HERC2: variants seen among roughly 807,000 people sequenced by gnomAD.
HERC2 encodes HECT and RLD domain containing E3 ubiquitin protein ligase 2, also known as E3 ubiquitin-protein ligase HERC2.
In HERC2, 102 loss-of-function variants were observed where a neutral mutation model predicts 537.7. That is an observed-to-expected ratio of 0.19 (90% CI 0.16 to 0.22). The LOEUF (loss-of-function observed/expected upper bound fraction) is 0.22, where lower values mean the gene tolerates loss of function less well. Ranked by LOEUF, HERC2 falls within the 10% of genes least tolerant of loss-of-function variation. HERC2 has a pLI of 1.00. For synonymous variants in HERC2, 2,224 were observed against 2,466.2 expected (o/e 0.90, Z 2.91); for missense variants, 4,236 against 6,198.2 (o/e 0.68, Z 10.63).
Position 28,111,813 on chromosome 15 carries a change from C to T in HERC2, c.14455G>A (p.Val4819Ile), listed in dbSNP as rs1219022060. Reference protein sequence around the residue: ...DSSDDSDNEDVDSFASDSTQD... With the variant: ...DSSDDSDNEDIDSFASDSTQD... ...GTAGAGTCCGAAGCAAAGGAGTCGA[C>T]ATCCTCGTTATCTGAATCGTCGCTG... Residue 4819 changes from valine (V) to isoleucine (I), a missense_variant, in exon 93 of 93, where the codon GTC (valine) becomes ATC (isoleucine). Val to Ile is a conservative substitution (Grantham distance 29, BLOSUM62 3). Around this residue, in one of 27 missense-constraint regions of HERC2, gnomAD observed 313 missense variants for 462.6 expected, o/e 0.68. Transcript: ENST00000261609. 36 of 1,614,096 alleles carry T rather than the reference C, an allele frequency of 2.2e-5. No individual in the cohort carries two copies. Among genetic ancestry groups the T allele is most frequent in the Non-Finnish European group, 3.1e-5 (36 of 1,180,058 alleles).
chr15:28,249,355 C>T (rs956035192), intron 20 of HERC2, among the ~76,000 whole-genome samples: 1 of 152,020 alleles, frequency 6.6e-6, no homozygotes, highest in Non-Finnish European at 1.5e-5. Context: ...AGCACGGCAG[C>T]GAAGAAAGTA....
At chr15:28,283,349 A>G (rs2076075252) in intron 4 of HERC2, among the ~76,000 whole-genome samples, 1 of 152,252 alleles carries the variant, frequency 6.6e-6, no homozygotes, top group Admixed American at 6.5e-5. Flanking sequence ...TTAACAAGTC[A>G]AATGACAGCG....
chr15:28,192,910 T>C (rs1400302362), intron 52 of HERC2, among the ~76,000 whole-genome samples: 2 of 149,178 alleles, frequency 1.3e-5, no homozygotes, highest in Non-Finnish European at 3.0e-5. Flanking sequence ...GAGTGAACTA[T>C]GAAGGGTTTT....
At chr15:28,135,298 C>A (rs1255894169) in intron 79 of HERC2, among the ~76,000 whole-genome samples, 180 bp downstream of exon 79, 2 of 152,090 alleles carry the variant, frequency 1.3e-5, no homozygotes, top group Non-Finnish European at 2.9e-5. Context: ...AGGAATCATA[C>A]GGGTAAGCCT....
intron 2 of HERC2, chr15:28,312,963 A>G (rs1260722559): frequency 6.2e-6 from 1 of 161,534 alleles, no homozygotes; most frequent in African/African-American, 2.4e-5. Flanking sequence ...GTTAGTTACT[A>G]AACTGAAGCT....
chr15:28,175,959 C>T (rs1313969784), intron 63 of HERC2, among the ~76,000 whole-genome samples: 1 of 152,214 alleles, frequency 6.6e-6, no homozygotes, highest in African/African-American at 2.4e-5. Flanking sequence ...AAAGTCCTAT[C>T]TGGTATACAT....
rs1289486718 is a variant in HERC2 at position 28,163,210 on chromosome 15, C to T, written c.10630G>A (p.Asp3544Asn). 1 of 1,613,944 alleles carries T rather than the reference C, an allele frequency of 6.2e-7. No homozygotes were observed. The highest frequency in any genetic ancestry group is 8.5e-7 in the Non-Finnish European group (1 of 1,180,032). Residue 3544 changes from aspartate to asparagine, a missense_variant, in exon 69 of 93, where the codon GAT (aspartate) becomes AAT (asparagine). Asp to Asn is a conservative substitution (Grantham distance 23). This residue lies in a region of HERC2 where 356 missense variants were observed against 450.9 expected (regional missense o/e 0.79). Coordinates refer to ENST00000261609, the MANE Select transcript of HERC2 (RefSeq NM_004667.6). ...AGGTCTACCACCACACGAGTGTCAT[C>T]CGCAATCAGCAGACTGGTGAACTCA... Reference protein sequence around the residue: ...LDEFTSLLIADDTRVVVDLLK... With the variant: ...LDEFTSLLIANDTRVVVDLLK...
intron 48 of HERC2, among the ~76,000 whole-genome samples, chr15:28,200,512 A>G (rs953899558): frequency 1.3e-5 from 2 of 152,138 alleles, no homozygotes; most frequent in Non-Finnish European, 2.9e-5. Context: ...CATGAGAAAT[A>G]AATGTCTGTT....
At position 28,141,528 on chromosome 15, in the gene HERC2, G is replaced by A. The variant is rs191221988; in HGVS notation, c.11919C>T (p.Val3973=). Residue 3973 remains valine (V), a synonymous_variant, in exon 78 of 93, where the codon GTC becomes GTT. Coordinates refer to ENST00000261609, the MANE Select transcript of HERC2 (RefSeq NM_004667.6). ...GQLGGIEGAK[V]KVPTPCEALA... ...GGGCTTCACAGGGAGTGGGAACTTT[G>A]ACTTTTGCGCCTTCAATGCCCCCGA... 1.2e-6 allele frequency: 2 copies of A among 1,614,112 alleles called. No individual in the cohort carries two copies. The highest frequency in any genetic ancestry group is 2.2e-5 in the East Asian group (1 of 44,864).
At position 28,144,154 on chromosome 15, in the gene HERC2, A is replaced by G; in HGVS notation, c.11222T>C (p.Leu3741Pro). 6.2e-7 allele frequency: 1 copy of G among 1,614,226 alleles called. No individual in the cohort carries two copies. Among genetic ancestry groups the G allele is most frequent in the Non-Finnish European group, 8.5e-7 (1 of 1,180,054 alleles). ...GATGCTTCTGTTAGAGGCAAGGTTG[A>G]GTCGGAAGTCTAACAGACACGTCAC... Reference protein sequence around the residue: ...DLVTCLLDFRLNLASNRSIVP... With the variant: ...DLVTCLLDFRPNLASNRSIVP... Residue 3741 changes from leucine to proline, a missense_variant, in exon 73 of 93, where the codon CTC becomes CCC. Physicochemically the swap from Leu to Pro is moderately conservative, Grantham distance 98. Transcript: ENST00000261609.
rs35092122 is a variant in HERC2 at position 28,283,032 on chromosome 15, C to CA, written c.323-2746dup. Among the ~76,000 whole-genome samples, 98 of 47,448 alleles carry CA rather than the reference C, an allele frequency of 2.1e-3. 4 individuals carry two copies. Among genetic ancestry groups the CA allele is most frequent in the South Asian group, 0.013 (10 of 786 alleles). The allele number at this position is 47,448 out of a possible 152,430, so 31.1% of individuals were successfully genotyped here. A position where few individuals can be genotyped will look rare whatever the true frequency, so the allele number is the denominator to read the frequency against. ...GGGAAGAGAGAAAGAAATGTCCCAG[C>CA]AAAAAAAAAAAAAAAAAAAAAAAAA... On this transcript the variant is annotated intron_variant, in intron 4 of 92. Transcript: ENST00000261609.
chr15:28,321,538 AG>A (rs1159055133), intron 1 of HERC2, 74 bp from the exon 2 acceptor site: 9 of 677,798 alleles, frequency 1.3e-5, no homozygotes, highest in Non-Finnish European at 1.8e-5. Flanking sequence ...AAGCCAGAAA[AG>A]AAAAAAGAGA....
At chr15:28,278,890 T>C (rs1017749218) in intron 5 of HERC2, among the ~76,000 whole-genome samples, 6 of 152,236 alleles carry the variant, frequency 3.9e-5, no homozygotes, top group Admixed American at 3.3e-4. Flanking sequence ...TTTGGAAAAG[T>C]ACAAATTTAC....
intron 90 of HERC2, 40 bp downstream of exon 90, chr15:28,114,572 G>C: frequency 6.3e-7 from 1 of 1,577,874 alleles, no homozygotes; most frequent in South Asian, 1.1e-5. Context: ...TGCTACTTTT[G>C]CTATTTATGT....
At chr15:28,189,828 T>C (rs1409639920) in intron 55 of HERC2, among the ~76,000 whole-genome samples, 1 of 151,334 alleles carries the variant, frequency 6.6e-6, no homozygotes, top group Non-Finnish European at 1.5e-5. Context: ...AAAACTAAAA[T>C]AAAACTTTTT....
In HERC2 at chr15:28,141,484, A is replaced by G. The variant is rs774040328; in HGVS notation, c.11963T>C (p.Val3988Ala). ...PCEALATLRPVQLIGGEQTLF... is the reference protein window; with the variant it reads ...PCEALATLRPAQLIGGEQTLF... ...GGTCTGTTCCCCTCCGATTAACTGC[A>G]CGGGTCTGAGAGTTGCAAGGGCTTC... The change falls in exon 78 of 93, where the codon GTG (valine) becomes GCG (alanine). Residue 3988 changes from valine (V) to alanine (A), a missense_variant. This residue lies in a region of HERC2 where 156 missense variants were observed against 172.3 expected (regional missense o/e 0.91). Coordinates refer to ENST00000261609, the MANE Select transcript of HERC2 (RefSeq NM_004667.6). 1 of 1,614,142 alleles carries G rather than the reference A, an allele frequency of 6.2e-7. No individual in the cohort carries two copies. The highest frequency in any genetic ancestry group is 1.7e-5 in the Admixed American group (1 of 60,022).
At chr15:28,182,944 G>C (rs1285582560) in intron 56 of HERC2, among the ~76,000 whole-genome samples, 1 of 152,170 alleles carries the variant, frequency 6.6e-6, no homozygotes, top group Non-Finnish European at 1.5e-5. Context: ...CCCAAATCTA[G>C]ACAGCTGTTT....
At chr15:28,201,391 G>A (rs1897890882) in intron 48 of HERC2, 65 bp downstream of exon 48, 1 of 1,055,594 alleles carries the variant, frequency 9.5e-7, no homozygotes, top group Non-Finnish European at 1.5e-6. Context: ...TTGGCATATA[G>A]GACATACTCA....
intron 45 of HERC2, among the ~76,000 whole-genome samples, chr15:28,205,906 AGAGTCCTGAC>A (rs1350300879): frequency 1.3e-5 from 2 of 149,780 alleles, no homozygotes; most frequent in African/African-American, 4.9e-5. Context: ...AACGGCTGCC[AGAGTCCTGAC>A]GAGCCTCTTT....
Sources: gnomAD v4.1 joint callset for allele counts (sites outside exome capture counted in the v4.1 genomes callset) on GRCh38, gnomAD v4.1.1 for gene constraint, gnomAD v4.1.1 regional missense constraint, MANE v1.5 for transcripts, NCBI Gene and HGNC (gene_info 2026-07-23, HGNC 2026-07-21) for gene names.